Variants in TRPV4 observed in about 807,000 individuals in gnomAD.
The protein encoded by TRPV4 is transient receptor potential cation channel subfamily V member 4.
TRPV4 carries 58 observed loss-of-function variants against 84.1 expected under a neutral mutation model. That is an observed-to-expected ratio of 0.69 (90% confidence interval 0.56 to 0.86). TRPV4 has a LOEUF of 0.86. TRPV4 is among the 40% of genes least tolerant of loss of function. The pLI, the probability that TRPV4 is intolerant of heterozygous loss-of-function variation, is 0.00. For synonymous variants in TRPV4, 489 were observed against 500.9 expected (o/e 0.98, Z 0.32); for missense variants, 879 against 1,181.1 (o/e 0.74, Z 3.75).
At chr12:109,792,593 G>A in intron 11 of TRPV4, 59 bp downstream of exon 11, 3 of 1,603,296 alleles carry the variant, frequency 1.9e-6, no homozygotes, top group Non-Finnish European at 2.6e-6. Context: ...GTGTGCATGT[G>A]GTGTGTGTGT....
rs750992130 is a variant in TRPV4 at position 109,794,007 on chromosome 12, G to A, written c.1507C>T (p.Arg503Cys). Reference protein sequence around the residue: ...PLEGTPPYPYRTTVDYLRLAG... With the variant: ...PLEGTPPYPYCTTVDYLRLAG... ...AGCCGCAGGTAGTCCACCGTGGTGC[G>A]GTAAGGGTACGGCGGCTGGGGAGCA... is the stretch of plus-strand genomic sequence containing the variant. The change falls in exon 9 of 16, where the codon CGC becomes TGC. Residue 503 changes from arginine (R) to cysteine (C), a missense_variant. This residue lies in a region of TRPV4 where 521 missense variants were observed against 686.6 expected (regional missense o/e 0.76). Transcript: ENST00000261740. 31 of 1,608,200 alleles carry A rather than the reference G, an allele frequency of 1.9e-5. No homozygotes were observed. The highest frequency in any genetic ancestry group is 4.5e-5 in the East Asian group (2 of 44,662).
chr12:109,794,682 T>C (rs1185161000), intron 7 of TRPV4, among the ~76,000 whole-genome samples, 195 bp from the exon 8 acceptor site: 1 of 152,178 alleles, frequency 6.6e-6, no homozygotes, highest in Non-Finnish European at 1.5e-5. Context: ...TCCACCCTAT[T>C]CTAGCATCAC....
chr12:109,791,638 A>G (rs1890039458), intron 12 of TRPV4, among the ~76,000 whole-genome samples: 1 of 150,752 alleles, frequency 6.6e-6, no homozygotes, highest in Admixed American at 6.6e-5. Flanking sequence ...GCGCGCCACC[A>G]TGCCTGTCTA....
chr12:109,783,814 T>C lies in TRPV4; in HGVS notation c.2459-36A>G. On this transcript the variant is annotated intron_variant, in intron 15 of 15. Transcript: ENST00000261740. The surrounding 1 kb of genome is among the most constrained non-coding windows in gnomAD (Gnocchi z 4.6). ...AGCACATCAGAGGGAGGGGTGGGGG[T>C]TGGTGGAGAGAGAGCGTGCGTATAT... is the stretch of plus-strand genomic sequence containing the variant. 6.2e-6 allele frequency: 10 copies of C among 1,602,122 alleles called. No individual in the cohort carries two copies. The highest frequency in any genetic ancestry group is 8.5e-6 in the Non-Finnish European group (10 of 1,178,606).
In TRPV4 at chr12:109,783,109, T is replaced by G. The variant is rs1889441594; in HGVS notation, c.*512A>C. ...ATCTCCACCGTCAATGAATAAACAT[T>G]TATTGAGCACCGGCAAATCCCAGAC... On this transcript the variant is annotated 3_prime_UTR_variant, in exon 16 of 16. Transcript: ENST00000261740. This position sits in a 1 kb window ranked among gnomAD's most constrained non-coding sequence, Gnocchi z 4.6. 6.5e-6 allele frequency: 1 copy of G among 155,018 alleles called. No individual in the cohort carries two copies. The highest frequency in any genetic ancestry group is 2.4e-5 in the African/African-American group (1 of 41,478). The allele number at this position is 155,018 out of a possible 1,614,324, so 9.6% of individuals were successfully genotyped here. A position where few individuals can be genotyped will look rare whatever the true frequency, so the allele number is the denominator to read the frequency against.
rs1356401383 is a variant in TRPV4 at position 109,792,820 on chromosome 12, G to A, written c.1659-3C>T. ...TCACCAGGACAGAGTAGATGAAGCT[G>A]CAGTGCAGCAGAGACCACAAGAGAG... On this transcript the variant is annotated splice_region_variant and splice_polypyrimidine_tract_variant and intron_variant, in intron 10 of 15. Coordinates refer to ENST00000261740, the MANE Select transcript of TRPV4 (RefSeq NM_021625.5). 3 of 1,613,570 alleles carry A rather than the reference G, an allele frequency of 1.9e-6. No homozygotes were observed. The highest frequency in any genetic ancestry group is 2.2e-5 in the South Asian group (2 of 91,068).
At chr12:109,824,925 C>G (rs552284656) in intron 1 of TRPV4, among the ~76,000 whole-genome samples, 11 of 151,632 alleles carry the variant, frequency 7.3e-5, no homozygotes, top group East Asian at 1.9e-4. Flanking sequence ...GCACAAGTCA[C>G]ATCTCATCTC....
intron 2 of TRPV4, among the ~76,000 whole-genome samples, chr12:109,811,573 G>T (rs1233544788): frequency 6.6e-6 from 1 of 151,944 alleles, no homozygotes; most frequent in Non-Finnish European, 1.5e-5. Context: ...CTGGAGAATT[G>T]CTTGAACCTG....
Position 109,783,861 on chromosome 12 carries a change from G to GAGTGCC in TRPV4, c.2459-84_2459-83insGGCACT. The GAGTGCC allele has an allele frequency of 6.7e-7, 1 of 1,495,698 alleles. No homozygotes were observed. Among genetic ancestry groups the GAGTGCC allele is most frequent in the Non-Finnish European group, 9.2e-7 (1 of 1,092,850 alleles). The allele number at this position is 1,495,698 out of a possible 1,614,324, so 92.7% of individuals were successfully genotyped here. On this transcript the variant is annotated intron_variant, in intron 15 of 15. Transcript: ENST00000261740. The surrounding 1 kb of genome is among the most constrained non-coding windows in gnomAD (Gnocchi z 4.6). Reference sequence around the variant, plus strand: ...ATATTGAGTGCCTACTGTGTACTGGGCACTCCACAGTGTTCTGAAGGGGGG... The same window carrying GAGTGCC: ...ATATTGAGTGCCTACTGTGTACTGGGAGTGCCCACTCCACAGTGTTCTGAAGGGGGG...
intron 13 of TRPV4, among the ~76,000 whole-genome samples, chr12:109,788,035 A>T (rs1428868526): frequency 6.6e-6 from 1 of 152,238 alleles, no homozygotes; most frequent in African/African-American, 2.4e-5. Flanking sequence ...GTGCTAGAGC[A>T]CAAAAGCTGC....
intron 1 of TRPV4, among the ~76,000 whole-genome samples, chr12:109,823,121 G>A (rs1301447552): frequency 6.6e-6 from 1 of 152,154 alleles, no homozygotes; most frequent in African/African-American, 2.4e-5. Flanking sequence ...GCTACCCCAC[G>A]GCTCCCAGGC....
At chr12:109,797,476 C>T (rs1014001745) in intron 6 of TRPV4, among the ~76,000 whole-genome samples, 1 of 151,592 alleles carries the variant, frequency 6.6e-6, no homozygotes, top group African/African-American at 2.4e-5. Context: ...TTTTTTGAGA[C>T]AGGGTCTGGC....
intron 1 of TRPV4, 23 bp downstream of exon 1, chr12:109,833,327 T>TCCCGGG (rs1339135804): frequency 1.3e-5 from 2 of 152,030 alleles, no homozygotes; most frequent in African/African-American, 2.4e-5. Context: ...GAGCCGCCCC[T>TCCCGGG]CCCGGGCCCG....
At position 109,802,953 on chromosome 12, in the gene TRPV4, CA is replaced by C. The variant is rs1319399122; in HGVS notation, c.712+37del. On this transcript the variant is annotated intron_variant, in intron 4 of 15. Transcript: ENST00000261740. ...GACAAGCAAAGGACAGCGTCTCCAT[CA>C]GCCCCCGTGGCACCCCTGCCCAGCC... 1.9e-6 allele frequency: 3 copies of C among 1,610,132 alleles called. No individual in the cohort carries two copies. In the Admixed American group the frequency reaches 5.0e-5, roughly 27 times the overall value.
intron 1 of TRPV4, among the ~76,000 whole-genome samples, chr12:109,830,264 C>G (rs1892376190): frequency 6.6e-6 from 1 of 152,184 alleles, no homozygotes; most frequent in Non-Finnish European, 1.5e-5. Flanking sequence ...CCAGCTCTGC[C>G]CCTTCTCAGC....
intron 3 of TRPV4, among the ~76,000 whole-genome samples, chr12:109,807,993 C>T (rs1333548885): frequency 6.6e-6 from 1 of 152,164 alleles, no homozygotes; most frequent in African/African-American, 2.4e-5. Flanking sequence ...TCACACATCG[C>T]TTAACTGGTA....
rs1464971926 is a variant in TRPV4, at chr12:109,814,977, G to A, written c.-31-150C>T. On this transcript the variant is annotated intron_variant, in intron 1 of 15. Coordinates refer to ENST00000261740, the MANE Select transcript of TRPV4 (RefSeq NM_021625.5). The surrounding 1 kb of genome is among the most constrained non-coding windows in gnomAD (Gnocchi z 5.4). ...GGGCACAGGGAGGCCACTCCCAGAT[G>A]TGGTTGGCCGCCAGCCTCAGGCGGG... The A allele has an allele frequency of 1.4e-6, 1 of 721,130 alleles. No individual in the cohort carries two copies. The highest frequency in any genetic ancestry group is 1.8e-5 in the African/African-American group (1 of 56,046). 44.7% of individuals were successfully genotyped at this position (721,130 alleles called of 1,614,324 possible).
chr12:109,825,315 A>C lies in TRPV4; in HGVS notation c.-32+8035T>G, dbSNP rs556980789. On this transcript the variant is annotated intron_variant, in intron 1 of 15. Transcript: ENST00000261740. ...GTGCCCAACAAACACCAAGTGTTCA[A>C]TGAACTTGAACTTATTTTTTAGTTT... Among the ~76,000 whole-genome samples the C allele has an allele frequency of 7.9e-5, 12 of 152,288 alleles. No homozygotes were observed. In the East Asian group the frequency reaches 1.7e-3, roughly 22 times the overall value.
intron 5 of TRPV4, among the ~76,000 whole-genome samples, chr12:109,800,279 T>A (rs111258212): frequency 0.024 from 3,727 of 152,126 alleles, 153 homozygotes; most frequent in African/African-American, 0.085. Flanking sequence ...AGGGTATTGC[T>A]ATGTTGCCTA....
Sources: gnomAD v4.1 joint callset for allele counts (sites outside exome capture counted in the v4.1 genomes callset) on GRCh38, gnomAD v4.1.1 for gene constraint, gnomAD v4.1.1 regional missense constraint, Gnocchi (gnomAD v3.1) non-coding constraint, MANE v1.5 for transcripts, NCBI Gene and HGNC (gene_info 2026-07-23, HGNC 2026-07-21) for gene names.